Variants in EPHA4 observed in about 807,000 individuals in gnomAD.
EPHA4 encodes the protein EPH receptor A4.
A neutral mutation model predicts 108.3 loss-of-function variants in EPHA4; 19 were observed. The observed-to-expected ratio is 0.18, with a 90% CI of 0.12 to 0.26. EPHA4 has a LOEUF of 0.26. Ranked by LOEUF, EPHA4 falls within the 10% of genes least tolerant of loss-of-function variation. The probability of loss-of-function intolerance (pLI) is 1.00; values close to 1 mark genes in which losing one functional copy is unlikely to be tolerated. For synonymous variants in EPHA4, 449 were observed against 455.5 expected (o/e 0.99, Z 0.18); for missense variants, 917 against 1,254.0 (o/e 0.73, Z 4.06).
chr2:221,425,021 G>A (rs951424218), intron 17 of EPHA4, among the ~76,000 whole-genome samples, 188 bp downstream of exon 17: 1 of 152,008 alleles, frequency 6.6e-6, no homozygotes, highest in Non-Finnish European at 1.5e-5. Context: ...AAGAATAGCA[G>A]GGAAACCACA....
intron 3 of EPHA4, among the ~76,000 whole-genome samples, chr2:221,536,296 C>T (rs1693665983): frequency 6.6e-6 from 1 of 152,112 alleles, no homozygotes; most frequent in African/African-American, 2.4e-5. Flanking sequence ...GAAACAGTCT[C>T]CCACCCTCTT....
intron 3 of EPHA4, among the ~76,000 whole-genome samples, chr2:221,557,749 CATGCAAAG>C (rs1181852876): frequency 6.6e-6 from 1 of 152,196 alleles, no homozygotes; most frequent in East Asian, 1.9e-4. Flanking sequence ...ACATTAGTCA[CATGCAAAG>C]ATTTTAACAT....
At chr2:221,447,991 G>A (rs776050330) in intron 8 of EPHA4, among the ~76,000 whole-genome samples, 14 of 151,764 alleles carry the variant, frequency 9.2e-5, no homozygotes, top group East Asian at 3.9e-4. Context: ...ATAGGCACCC[G>A]CCACCCATGC....
At chr2:221,467,017 C>T (rs1276781213) in intron 5 of EPHA4, among the ~76,000 whole-genome samples, 4 of 152,148 alleles carry the variant, frequency 2.6e-5, no homozygotes, top group African/African-American at 9.7e-5. Flanking sequence ...TGTACATTGT[C>T]GGCTGTCAGA....
rs564088534 is a variant in EPHA4, at chr2:221,444,565, A to G, written c.1775-959T>C. ...TCTTGCTACTTCTTTTTAATAGATC[A>G]GCTTTTTAAAAAAACATATATTCCA... On this transcript the variant is annotated intron_variant, in intron 9 of 17. Coordinates refer to ENST00000281821, the MANE Select transcript of EPHA4 (RefSeq NM_004438.5). Among the ~76,000 whole-genome samples, 3 of 152,206 alleles carry G rather than the reference A, an allele frequency of 2.0e-5. No individual in the cohort carries two copies. The South Asian group carries it at 6.2e-4, about 32-fold the overall frequency.
intron 3 of EPHA4, among the ~76,000 whole-genome samples, chr2:221,517,598 A>G (rs1024588044): frequency 4.6e-5 from 7 of 152,126 alleles, no homozygotes; most frequent in Admixed American, 1.3e-4. Context: ...AGTAAGTGAC[A>G]TAAAGGACTA....
intron 4 of EPHA4, among the ~76,000 whole-genome samples, chr2:221,497,212 AT>A (rs963551900): frequency 1.3e-5 from 2 of 152,020 alleles, no homozygotes; most frequent in East Asian, 1.9e-4. Flanking sequence ...AACTTTGCAA[AT>A]TTTTTTTATT....
chr2:221,538,504 A>G (rs144610122), intron 3 of EPHA4, among the ~76,000 whole-genome samples: 1 of 152,330 alleles, frequency 6.6e-6, no homozygotes, highest in East Asian at 1.9e-4. Flanking sequence ...GAAGTGAGAT[A>G]AAAACTCAAA....
intron 17 of EPHA4, among the ~76,000 whole-genome samples, chr2:221,423,002 C>T (rs950011314): frequency 3.3e-5 from 5 of 152,204 alleles, no homozygotes; most frequent in African/African-American, 1.2e-4. Context: ...AGAAGCTTCA[C>T]TGTGTGACCC....
chr2:221,533,638 A>G (rs1693583784), intron 3 of EPHA4, among the ~76,000 whole-genome samples: 2 of 150,612 alleles, frequency 1.3e-5, no homozygotes. Context: ...AACATATATA[A>G]TAATGATGGT....
rs1690235206 is a variant in EPHA4, at chr2:221,436,296, AAACTT to A, written c.2346+98_2346+102del. On this transcript the variant is annotated intron_variant, in intron 13 of 17. Transcript: ENST00000281821. ...TATGAGGAGGCTTCAAGGGATGAGA[AAACTT>A]AAAAAATAAAAAAATTACAAAGGGC... 3.6e-6 allele frequency: 4 copies of A among 1,112,804 alleles called. No homozygotes were observed. The South Asian group carries it at 4.8e-5, about 13-fold the overall frequency. 68.9% of individuals were successfully genotyped at this position (1,112,804 alleles called of 1,614,324 possible).
intron 5 of EPHA4, among the ~76,000 whole-genome samples, chr2:221,476,798 T>G (rs1691665377): frequency 6.6e-6 from 1 of 152,156 alleles, no homozygotes; most frequent in South Asian, 2.1e-4. Context: ...TATGTCTAAT[T>G]AAAAGATGGC....
intron 4 of EPHA4, among the ~76,000 whole-genome samples, chr2:221,487,190 A>G (rs1162339010): frequency 6.6e-6 from 1 of 152,184 alleles, no homozygotes; most frequent in Admixed American, 6.5e-5. Flanking sequence ...TAGAGGAGAG[A>G]GGAAAAATAT....
intron 3 of EPHA4, among the ~76,000 whole-genome samples, chr2:221,558,902 C>T (rs894006928): frequency 1.2e-4 from 18 of 152,122 alleles, no homozygotes; most frequent in Non-Finnish European, 1.6e-4. Context: ...CTTAATGATA[C>T]GATTCAAAGG....
chr2:221,499,715 A>ATTATATATCTAT (rs1322169477), intron 4 of EPHA4, among the ~76,000 whole-genome samples: 1 of 48,452 alleles, frequency 2.1e-5, no homozygotes, highest in Non-Finnish European at 3.4e-5. Flanking sequence ...AACTAAAACT[A>ATTATATATCTAT]ATATATATAT....
At chr2:221,561,813 C>A (rs1694474263) in intron 3 of EPHA4, among the ~76,000 whole-genome samples, 1 of 152,106 alleles carries the variant, frequency 6.6e-6, no homozygotes, top group Non-Finnish European at 1.5e-5. Flanking sequence ...ACATTAGATA[C>A]ACGAAGATGT....
At chr2:221,566,847 GGAGA>G in intron 2 of EPHA4, among the ~76,000 whole-genome samples, 2 of 47,942 alleles carry the variant, frequency 4.2e-5, no homozygotes, top group African/African-American at 3.8e-4. Context: ...AGAAGGAGAA[GGAGA>G]AGGAGAAGAA....
intron 5 of EPHA4, among the ~76,000 whole-genome samples, chr2:221,460,229 C>A (rs1691096219): frequency 1.3e-5 from 2 of 152,096 alleles, no homozygotes; most frequent in African/African-American, 4.8e-5. Flanking sequence ...CTTGACACAG[C>A]TGTCATAAAA....
At chr2:221,522,964 CTGGTCTCGAAT>C (rs1553585536) in intron 3 of EPHA4, among the ~76,000 whole-genome samples, 1 of 152,032 alleles carries the variant, frequency 6.6e-6, no homozygotes, top group East Asian at 1.9e-4. Flanking sequence ...GTTCGCCAGG[CTGGTCTCGAAT>C]TGGTCTCGAA....
Sources: gnomAD v4.1 joint callset for allele counts (sites outside exome capture counted in the v4.1 genomes callset) on GRCh38, gnomAD v4.1.1 for gene constraint, MANE v1.5 for transcripts, NCBI Gene and HGNC (gene_info 2026-07-23, HGNC 2026-07-21) for gene names.